Variants in GNA14 observed in about 807,000 individuals in gnomAD.
The protein encoded by GNA14 is G protein subunit alpha 14.
GNA14 carries 50 observed loss-of-function variants against 42.0 expected under a neutral mutation model. That is an observed-to-expected ratio of 1.19 (90% confidence interval 0.95 to 1.51). The LOEUF (loss-of-function observed/expected upper bound fraction) is 1.51. Ranked by LOEUF, GNA14 falls within the 40% of genes most tolerant of loss-of-function variation. The probability of loss-of-function intolerance (pLI) is 0.00; values close to 1 mark genes in which losing one functional copy is unlikely to be tolerated. For missense variants in GNA14, 473 were observed against 446.2 expected, an observed-to-expected ratio of 1.06 and a Z score of -0.54; for synonymous variants, 173 against 163.1, an observed-to-expected ratio of 1.06 and a Z score of -0.46.
intron 1 of GNA14, among the ~76,000 whole-genome samples, chr9:77,558,980 A>C (rs1378738988): frequency 6.6e-6 from 1 of 151,834 alleles, no homozygotes; most frequent in African/African-American, 2.4e-5. Flanking sequence ...CTGAGAACCT[A>C]AGCAGGATGG....
intron 1 of GNA14, among the ~76,000 whole-genome samples, chr9:77,602,648 T>A (rs543600908): frequency 6.6e-6 from 1 of 152,310 alleles, no homozygotes; most frequent in African/African-American, 2.4e-5. Context: ...AGCAACCTTG[T>A]TCCTCATGGG....
At chr9:77,443,691 C>T (rs1835771034) in intron 2 of GNA14, among the ~76,000 whole-genome samples, 2 of 152,186 alleles carry the variant, frequency 1.3e-5, no homozygotes, top group South Asian at 4.1e-4. Context: ...CCAGTCAAAA[C>T]TTCAGTCGGG....
chr9:77,501,714 T>TTTC (rs386415195), intron 2 of GNA14, among the ~76,000 whole-genome samples: 1 of 25,796 alleles, frequency 3.9e-5, no homozygotes, highest in Non-Finnish European at 7.1e-5. Context: ...GGATAATTTC[T>TTTC]TTTTTTTTTT....
chr9:77,536,871 T>C (rs59604269), intron 1 of GNA14, among the ~76,000 whole-genome samples: 21,597 of 152,240 alleles, frequency 0.14, 2,040 homozygotes, highest in African/African-American at 0.26. Context: ...TGAATAATTA[T>C]TTTTCTAATT....
chr9:77,603,720 C>T (rs1823603763), intron 1 of GNA14, among the ~76,000 whole-genome samples: 1 of 152,048 alleles, frequency 6.6e-6, no homozygotes, highest in South Asian at 2.1e-4. Context: ...AATCCCAGCA[C>T]TTTGGGAGGC....
intron 1 of GNA14, among the ~76,000 whole-genome samples, chr9:77,573,599 G>A (rs1823090888): frequency 6.6e-6 from 1 of 152,186 alleles, no homozygotes; most frequent in Non-Finnish European, 1.5e-5. Context: ...ATGATGGTGT[G>A]ACAGTGGAAG....
intron 2 of GNA14, among the ~76,000 whole-genome samples, chr9:77,474,293 T>G (rs1836380083): frequency 6.6e-6 from 1 of 152,204 alleles, no homozygotes; most frequent in Non-Finnish European, 1.5e-5. Context: ...GAAGAACGCT[T>G]ACAACTCAGT....
At chr9:77,474,441 C>T (rs560056328) in intron 2 of GNA14, among the ~76,000 whole-genome samples, 26 of 152,286 alleles carry the variant, frequency 1.7e-4, no homozygotes, top group African/African-American at 5.8e-4. Flanking sequence ...CAAATCAAAA[C>T]CACAAAGCGA....
intron 2 of GNA14, among the ~76,000 whole-genome samples, chr9:77,467,813 G>A (rs573623546): frequency 2.6e-5 from 4 of 152,142 alleles, no homozygotes; most frequent in African/African-American, 9.6e-5. Context: ...TGCTCTACAA[G>A]TGGGTACTGT....
intron 1 of GNA14, among the ~76,000 whole-genome samples, chr9:77,629,824 C>T (rs1824068201): frequency 1.3e-5 from 2 of 152,164 alleles, no homozygotes; most frequent in South Asian, 4.2e-4. Context: ...CACGTGTATA[C>T]CTATGTAACA....
At chr9:77,591,937 T>C (rs10117304) in intron 1 of GNA14, among the ~76,000 whole-genome samples, 11,409 of 144,564 alleles carry the variant, frequency 0.079, 1,523 homozygotes, top group African/African-American at 0.27. Flanking sequence ...TTTTTTGAGA[T>C]GGAGTCTCGC....
At chr9:77,467,605 T>C (rs751524787) in intron 2 of GNA14, among the ~76,000 whole-genome samples, 2 of 150,770 alleles carry the variant, frequency 1.3e-5, no homozygotes, top group African/African-American at 2.4e-5. Flanking sequence ...TGCTTCATGC[T>C]GCTTTCCAAT....
At chr9:77,450,060 C>T (rs564783006) in intron 2 of GNA14, among the ~76,000 whole-genome samples, 4 of 152,294 alleles carry the variant, frequency 2.6e-5, no homozygotes, top group African/African-American at 9.6e-5. Context: ...TCTGGGATTC[C>T]GTGGGCTTAT....
At chr9:77,598,005 T>A (rs1444309422) in intron 1 of GNA14, among the ~76,000 whole-genome samples, 2 of 152,090 alleles carry the variant, frequency 1.3e-5, no homozygotes, top group Non-Finnish European at 2.9e-5. Context: ...TTCCACTGCA[T>A]TCCAGCCTGG....
At chr9:77,470,852 C>G (rs1342919436) in intron 2 of GNA14, among the ~76,000 whole-genome samples, 2 of 152,020 alleles carry the variant, frequency 1.3e-5, no homozygotes, top group African/African-American at 4.8e-5. Flanking sequence ...AAAGAGAGAG[C>G]CAAGGGAGAA....
At chr9:77,624,095 C>T (rs914332659) in intron 1 of GNA14, among the ~76,000 whole-genome samples, 9 of 152,266 alleles carry the variant, frequency 5.9e-5, no homozygotes, top group Admixed American at 2.6e-4. Context: ...GAGGGGCATC[C>T]GCCATTACTG....
rs1343509848 is a variant in GNA14, at chr9:77,424,121, T to G, written c.926A>C (p.Tyr309Ser). ...CTCTTTGTCAGGATTCTGATCTTGG[T>G]AAAGCTTCAGGATAAAGTCTCTGGC... Reference protein sequence around the residue: ...RAARDFILKLYQDQNPDKEKV... With the variant: ...RAARDFILKLSQDQNPDKEKV... Residue 309 changes from tyrosine to serine, a missense_variant, in exon 7 of 7, where the codon TAC (tyrosine) becomes TCC (serine). Transcript: ENST00000341700. The G allele has an allele frequency of 2.5e-6, 4 of 1,612,952 alleles. No homozygotes were observed. The highest frequency in any genetic ancestry group is 3.4e-6 in the Non-Finnish European group (4 of 1,179,366).
chr9:77,618,598 A>ATATGTATG lies in GNA14; in HGVS notation c.124+29071_124+29072insCATACATA, dbSNP rs1554703812. On this transcript the variant is annotated intron_variant, in intron 1 of 6. Coordinates refer to ENST00000341700, the MANE Select transcript of GNA14 (RefSeq NM_004297.4). ...TACATTTGAATATATATATATATAT[A>ATATGTATG]TATATATATATATATATATATATTT... Among the ~76,000 whole-genome samples, 34 of 27,372 alleles carry ATATGTATG rather than the reference A, an allele frequency of 1.2e-3. 1 individual carries two copies. Among genetic ancestry groups the ATATGTATG allele is most frequent in the African/African-American group, 4.9e-3 (33 of 6,724 alleles). 18.0% of individuals were successfully genotyped at this position (27,372 alleles called of 152,430 possible).
At chr9:77,526,553 A>C (rs1837441685) in intron 2 of GNA14, 1 of 152,284 alleles carries the variant, frequency 6.6e-6, no homozygotes, top group Non-Finnish European at 1.5e-5. Flanking sequence ...GGACACGCAG[A>C]CACAGGGAAG....
Sources: allele counts gnomAD v4.1 joint callset (sites outside exome capture counted in the v4.1 genomes callset), GRCh38; gene constraint gnomAD v4.1.1; transcripts MANE v1.5; gene names NCBI Gene and HGNC (gene_info 2026-07-23, HGNC 2026-07-21).